The following SERTM1 variants were observed in gnomAD, a reference collection of about 807,000 sequenced individuals.
SERTM1 encodes the protein serine rich and transmembrane domain containing 1.
In SERTM1, 1 loss-of-function variant was observed where a neutral mutation model predicts 5.5. The observed-to-expected ratio is 0.18, with a 90% confidence interval of 0.06 to 0.86. SERTM1 has a LOEUF of 0.86. SERTM1 is among the 40% of genes least tolerant of loss of function. The pLI is 0.69. For synonymous variants in SERTM1, 52 were observed against 55.1 expected (o/e 0.94, Z 0.25); for missense variants, 91 against 122.4 (o/e 0.74, Z 1.21).
At chr13:36,691,062 C>T (rs1218040059) in intron 1 of SERTM1, among the ~76,000 whole-genome samples, 2 of 152,264 alleles carry the variant, frequency 1.3e-5, no homozygotes, top group Admixed American at 1.3e-4. Flanking sequence ...AATTGCTGTG[C>T]CATATTTGAG....
At position 36,696,845 on chromosome 13, in the gene SERTM1, C is replaced by T. The variant is rs2056817610; in HGVS notation, c.*1443C>T. Reference sequence around the variant, plus strand: ...GTCTTCCCATGGCAACTGAATCATTCCTTGTTCAAAACATTTAATCATCTT... The same window carrying T: ...GTCTTCCCATGGCAACTGAATCATTTCTTGTTCAAAACATTTAATCATCTT... On this transcript the variant is annotated 3_prime_UTR_variant, in exon 2 of 2. Coordinates refer to ENST00000315190, the MANE Select transcript of SERTM1 (RefSeq NM_203451.3). The T allele has an allele frequency of 6.0e-6, 1 of 167,064 alleles. No individual in the cohort carries two copies. The highest frequency in any genetic ancestry group is 1.5e-5 in the Non-Finnish European group (1 of 68,142). The allele number at this position is 167,064 out of a possible 1,614,324, so 10.3% of individuals were successfully genotyped here. A position where few individuals can be genotyped will look rare whatever the true frequency, so the allele number is the denominator to read the frequency against.
At chr13:36,677,921 G>A (rs536151279) in intron 1 of SERTM1, among the ~76,000 whole-genome samples, 2 of 152,218 alleles carry the variant, frequency 1.3e-5, no homozygotes, top group Admixed American at 1.3e-4. Flanking sequence ...CTACCTCCAA[G>A]TACATTTAAC....
At chr13:36,694,701 G>A in intron 1 of SERTM1, among the ~76,000 whole-genome samples, 1 of 151,964 alleles carries the variant, frequency 6.6e-6, no homozygotes, top group Non-Finnish European at 1.5e-5. Flanking sequence ...TAGCACCTAG[G>A]GTACTGTAGA....
intron 1 of SERTM1, among the ~76,000 whole-genome samples, chr13:36,684,452 C>T (rs2056727372): frequency 6.6e-6 from 1 of 152,102 alleles, no homozygotes. Context: ...TTGATAAATA[C>T]TAGCAGCCAT....
chr13:36,674,837 A>G (rs1455370758), intron 1 of SERTM1, among the ~76,000 whole-genome samples: 1 of 152,018 alleles, frequency 6.6e-6, no homozygotes, highest in South Asian at 2.1e-4. Context: ...TGCGTTTCCC[A>G]GGGGCGTTTT....
chr13:36,688,282 T>C (rs1215650253), intron 1 of SERTM1, among the ~76,000 whole-genome samples: 1 of 151,976 alleles, frequency 6.6e-6, no homozygotes, highest in Non-Finnish European at 1.5e-5. Flanking sequence ...GGCACGATCA[T>C]GGCTCACTGT....
At chr13:36,675,106 C>T (rs530429621) in intron 1 of SERTM1, among the ~76,000 whole-genome samples, 2 of 152,306 alleles carry the variant, frequency 1.3e-5, no homozygotes, top group South Asian at 4.1e-4. Flanking sequence ...GCCCGGGCTC[C>T]ATCGGACTTG....
Position 36,695,514 on chromosome 13 carries a change from C to G in SERTM1, c.*112C>G. 1 of 735,472 alleles carries G rather than the reference C, an allele frequency of 1.4e-6. No homozygotes were observed. The highest frequency in any genetic ancestry group is 2.3e-6 in the Non-Finnish European group (1 of 437,502). The allele number at this position is 735,472 out of a possible 1,614,324, so 45.6% of individuals were successfully genotyped here. A position where few individuals can be genotyped will look rare whatever the true frequency, so the allele number is the denominator to read the frequency against. ...TGATCCTTTTGGTGTAGACCTGCTT[C>G]TCCTTCTCCTTTTTCTCTGATTTCT... On this transcript the variant is annotated 3_prime_UTR_variant, in exon 2 of 2. Coordinates refer to ENST00000315190, the MANE Select transcript of SERTM1 (RefSeq NM_203451.3).
At chr13:36,682,567 G>C (rs924710556) in intron 1 of SERTM1, among the ~76,000 whole-genome samples, 1 of 152,152 alleles carries the variant, frequency 6.6e-6, no homozygotes, top group South Asian at 2.1e-4. Context: ...GTTCAAGTTA[G>C]GGAGAGGATA....
At chr13:36,683,427 A>C (rs2056719059) in intron 1 of SERTM1, among the ~76,000 whole-genome samples, 1 of 152,212 alleles carries the variant, frequency 6.6e-6, no homozygotes, top group African/African-American at 2.4e-5. Context: ...TTACAGACCC[A>C]TAATAAACTC....
At chr13:36,681,580 T>C (rs1463970142) in intron 1 of SERTM1, among the ~76,000 whole-genome samples, 2 of 152,232 alleles carry the variant, frequency 1.3e-5, no homozygotes, top group Non-Finnish European at 2.9e-5. Context: ...TAGTGAATTA[T>C]AATAAGCTTC....
chr13:36,681,221 G>C (rs1461145460), intron 1 of SERTM1, among the ~76,000 whole-genome samples: 1 of 152,128 alleles, frequency 6.6e-6, no homozygotes, highest in Admixed American at 6.5e-5. Context: ...ATCAAATAAG[G>C]TACTAGGCAT....
chr13:36,686,081 A>T (rs1209232676), intron 1 of SERTM1, among the ~76,000 whole-genome samples: 4 of 152,180 alleles, frequency 2.6e-5, no homozygotes, highest in African/African-American at 7.2e-5. Context: ...CCCAGATGAG[A>T]TTCAGTCCAG....
intron 1 of SERTM1, among the ~76,000 whole-genome samples, chr13:36,684,035 C>T (rs1310292043): frequency 1.3e-5 from 2 of 152,174 alleles, no homozygotes; most frequent in Admixed American, 6.5e-5. Context: ...CAGTGGCTTA[C>T]GCCTGTAATC....
chr13:36,692,981 A>T (rs1461643768), intron 1 of SERTM1, among the ~76,000 whole-genome samples: 1 of 152,220 alleles, frequency 6.6e-6, no homozygotes, highest in African/African-American at 2.4e-5. Flanking sequence ...CACAAGATGC[A>T]TAGTCTTTGC....
intron 1 of SERTM1, among the ~76,000 whole-genome samples, chr13:36,693,265 C>T (rs2056791053): frequency 6.6e-6 from 1 of 152,178 alleles, no homozygotes; most frequent in African/African-American, 2.4e-5. Flanking sequence ...CTTTTCTATG[C>T]TACCTCTGCA....
chr13:36,680,260 C>T (rs1042746518), intron 1 of SERTM1, among the ~76,000 whole-genome samples: 11 of 152,156 alleles, frequency 7.2e-5, no homozygotes, highest in Non-Finnish European at 1.5e-4. Context: ...TCCTCGCCAA[C>T]AAAATGGGTC....
chr13:36,690,937 A>G (rs940601707), intron 1 of SERTM1, among the ~76,000 whole-genome samples: 1 of 152,248 alleles, frequency 6.6e-6, no homozygotes, highest in Non-Finnish European at 1.5e-5. Context: ...CTTTAAATAT[A>G]AAGTCCGCAA....
At chr13:36,689,357 T>G (rs948576919) in intron 1 of SERTM1, among the ~76,000 whole-genome samples, 1 of 151,744 alleles carries the variant, frequency 6.6e-6, no homozygotes, top group Admixed American at 6.6e-5. Context: ...ATACAAAAAT[T>G]AGCGGGGCAT....
Sources: allele counts gnomAD v4.1 joint callset (sites outside exome capture counted in the v4.1 genomes callset), GRCh38; gene constraint gnomAD v4.1.1; transcripts MANE v1.5; gene names NCBI Gene and HGNC (gene_info 2026-07-23, HGNC 2026-07-21).